Variants in KDM4C observed in about 807,000 individuals in gnomAD.
KDM4C encodes the protein lysine demethylase 4C.
In KDM4C, 81 loss-of-function variants were observed where a neutral mutation model predicts 129.3. The ratio of observed to expected loss-of-function variants is 0.63; its 90% CI spans 0.52 to 0.75. The LOEUF is 0.75. Among genes scored for constraint, KDM4C ranks in the 30% least tolerant of loss-of-function variants. KDM4C has a pLI of 0.00. For synonymous variants in KDM4C, 573 were observed against 456.1 expected (o/e 1.26, Z -3.26); for missense variants, 1,457 against 1,304.0 (o/e 1.12, Z -1.81).
chr9:7,172,290 G>T (rs989580212), intron 21 of KDM4C, among the ~76,000 whole-genome samples: 1 of 152,136 alleles, frequency 6.6e-6, no homozygotes, highest in Admixed American at 6.5e-5. Context: ...CAGTGATTGT[G>T]TGGGGTTCTT....
intron 4 of KDM4C, among the ~76,000 whole-genome samples, chr9:6,825,516 C>T (rs748096005): frequency 1.3e-5 from 2 of 152,116 alleles, no homozygotes; most frequent in South Asian, 2.1e-4. Context: ...TCTGAAAGAA[C>T]GAATCACCTT....
At chr9:6,931,341 A>AT (rs1297442643) in intron 8 of KDM4C, among the ~76,000 whole-genome samples, 2 of 151,978 alleles carry the variant, frequency 1.3e-5, no homozygotes, top group Non-Finnish European at 2.9e-5. Flanking sequence ...GCTAGAGTTA[A>AT]TTTTTTTTAG....
rs565964579 is a variant in KDM4C, at chr9:6,922,232, C to T, written c.921+29000C>T. On this transcript the variant is annotated intron_variant, in intron 8 of 21. Coordinates refer to ENST00000381309, the MANE Select transcript of KDM4C (RefSeq NM_015061.6). Reference sequence around the variant, plus strand: ...TTGTGAATTTCTATCTAATTCCTATCTTAATTTTTTGTTTTATGCAATGTT... The same window carrying T: ...TTGTGAATTTCTATCTAATTCCTATTTTAATTTTTTGTTTTATGCAATGTT... 2.6e-5 allele frequency among the ~76,000 whole-genome samples: 4 copies of T among 152,308 alleles called. No homozygotes were observed. The South Asian group carries it at 8.3e-4, about 32-fold the overall frequency.
chr9:7,055,186 A>G (rs1830703650), intron 17 of KDM4C, among the ~76,000 whole-genome samples: 1 of 152,214 alleles, frequency 6.6e-6, no homozygotes, highest in Non-Finnish European at 1.5e-5. Context: ...CAAAAAACAA[A>G]CAAACACAAA....
Position 6,737,339 on chromosome 9 carries a change from C to CAA in KDM4C, c.49+16347_49+16348dup, listed in dbSNP as rs201336359. Among the ~76,000 whole-genome samples the CAA allele has an allele frequency of 9.5e-3, 1,439 of 151,714 alleles. 22 individuals are homozygous for CAA. The highest frequency in any genetic ancestry group is 0.033 in the African/African-American group (1,369 of 41,372). ...AAGGAACTTAAACAAATTAACAAGCCAAAAAACAAACAACCCCATTAAAAA... is the reference window on the plus strand; with the variant it reads ...AAGGAACTTAAACAAATTAACAAGCCAAAAAAAACAAACAACCCCATTAAAAA... On this transcript the variant is annotated intron_variant, in intron 1 of 17. Coordinates refer to the KDM4C transcript ENST00000536108.
At chr9:7,047,576 G>A (rs889988459) in intron 16 of KDM4C, among the ~76,000 whole-genome samples, 7 of 151,772 alleles carry the variant, frequency 4.6e-5, no homozygotes, top group African/African-American at 1.5e-4. Context: ...CATATTACAG[G>A]GTCCGCTGGA....
chr9:7,083,442 G>A (rs1329100599), intron 17 of KDM4C, among the ~76,000 whole-genome samples: 1 of 152,190 alleles, frequency 6.6e-6, no homozygotes, highest in Non-Finnish European at 1.5e-5. Context: ...TTGTCTGTGT[G>A]CAAACATAGA....
chr9:6,787,998 C>T (rs533571932), intron 1 of KDM4C, among the ~76,000 whole-genome samples: 1 of 152,234 alleles, frequency 6.6e-6, no homozygotes, highest in Non-Finnish European at 1.5e-5. Context: ...TCCAGCCACA[C>T]GCATCTCTTT....
Position 7,165,416 on chromosome 9 carries a change from T to C in KDM4C, c.2901+59T>C, listed in dbSNP as rs1024591443. 1.5e-5 allele frequency: 24 copies of C among 1,576,038 alleles called. 1 individual carries two copies. The highest frequency in any genetic ancestry group is 8.1e-5 in the African/African-American group (6 of 74,090). ...ATTGACATGATAAGTCAGAAGGAGATAGTATCTCAAGTGTGCTGCTGAACA... is the reference window on the plus strand; with the variant it reads ...ATTGACATGATAAGTCAGAAGGAGACAGTATCTCAAGTGTGCTGCTGAACA... On this transcript the variant is annotated intron_variant, in intron 20 of 21. Coordinates refer to ENST00000381309, the MANE Select transcript of KDM4C (RefSeq NM_015061.6).
At chr9:6,842,021 T>C (rs1837022813) in intron 4 of KDM4C, among the ~76,000 whole-genome samples, 1 of 152,252 alleles carries the variant, frequency 6.6e-6, no homozygotes, top group South Asian at 2.1e-4. Context: ...AACAGAGAGA[T>C]AAAACATGCT....
intron 1 of KDM4C, among the ~76,000 whole-genome samples, chr9:6,750,309 C>T (rs141855267): frequency 1.2e-4 from 18 of 151,960 alleles, no homozygotes; most frequent in South Asian, 8.3e-4. Flanking sequence ...CATGGTGGCA[C>T]GCACCTGTAG....
intron 8 of KDM4C, among the ~76,000 whole-genome samples, chr9:6,978,127 CA>C (rs1274427447): frequency 1.3e-5 from 2 of 152,110 alleles, no homozygotes; most frequent in African/African-American, 4.8e-5. Context: ...GGATAGTTAC[CA>C]CTGTTACTCT....
At chr9:6,772,799 T>A (rs1822163287) in intron 1 of KDM4C, among the ~76,000 whole-genome samples, 1 of 150,586 alleles carries the variant, frequency 6.6e-6, no homozygotes, top group African/African-American at 2.4e-5. Flanking sequence ...TTCAAGCAGT[T>A]CTCCTGCCTC....
intron 1 of KDM4C, among the ~76,000 whole-genome samples, chr9:6,733,570 C>A (rs1222868201): frequency 6.6e-6 from 1 of 152,148 alleles, no homozygotes; most frequent in Non-Finnish European, 1.5e-5. Flanking sequence ...TGAACTGATA[C>A]CTTGACTCTA....
chr9:6,932,673 C>T (rs187938981), intron 8 of KDM4C, among the ~76,000 whole-genome samples: 19 of 152,306 alleles, frequency 1.2e-4, no homozygotes, highest in Admixed American at 6.5e-4. Flanking sequence ...AACTGCAACC[C>T]GTGTGTGGCC....
intron 5 of KDM4C, among the ~76,000 whole-genome samples, chr9:6,865,262 C>T (rs1475228653): frequency 6.6e-6 from 1 of 152,110 alleles, no homozygotes; most frequent in African/African-American, 2.4e-5. Flanking sequence ...ACCGCCTTGG[C>T]CTCCCAAAGT....
chr9:6,969,156 G>A (rs768635931), intron 8 of KDM4C, among the ~76,000 whole-genome samples: 1 of 152,104 alleles, frequency 6.6e-6, no homozygotes, highest in African/African-American at 2.4e-5. Flanking sequence ...GGCTGGTCTC[G>A]AACTCCTGAC....
chr9:6,998,975 C>G (rs1416649243), intron 12 of KDM4C, among the ~76,000 whole-genome samples: 2 of 151,936 alleles, frequency 1.3e-5, no homozygotes, highest in African/African-American at 2.4e-5. Context: ...GTGGTATTTT[C>G]TGAGTACTTC....
intron 19 of KDM4C, among the ~76,000 whole-genome samples, chr9:7,153,428 T>A (rs7872887): frequency 6.6e-6 from 1 of 152,088 alleles, no homozygotes; most frequent in Non-Finnish European, 1.5e-5. Flanking sequence ...TTCTTGTGGA[T>A]ATCCTCAGAG....
Sources: allele counts gnomAD v4.1 joint callset (sites outside exome capture counted in the v4.1 genomes callset), GRCh38; gene constraint gnomAD v4.1.1; transcripts MANE v1.5; gene names NCBI Gene and HGNC (gene_info 2026-07-23, HGNC 2026-07-21).